CRB1: variants seen among roughly 807,000 people sequenced by gnomAD.
CRB1 encodes protein crumbs homolog 1.
A neutral mutation model predicts 120.0 loss-of-function variants in CRB1; 83 were observed. The observed-to-expected ratio is 0.69, with a 90% CI of 0.58 to 0.83. CRB1 has a LOEUF of 0.83. Ranked by LOEUF, CRB1 falls within the 40% of genes least tolerant of loss-of-function variation. The pLI is 0.00. For synonymous variants in CRB1, 625 were observed against 612.5 expected, an observed-to-expected ratio of 1.02 and a Z score of -0.30; for missense variants, 1,699 against 1,687.6, an observed-to-expected ratio of 1.01 and a Z score of -0.12.
chr1:197,346,418 A>G (rs1571876354), intron 3 of CRB1, among the ~76,000 whole-genome samples: 1 of 152,322 alleles, frequency 6.6e-6, no homozygotes, highest in Non-Finnish European at 1.5e-5. Flanking sequence ...TGTTTTACCT[A>G]TACTAGATTT....
chr1:197,244,748 T>A, the CRB1 span, among the ~76,000 whole-genome samples: 2 of 152,008 alleles, frequency 1.3e-5, no homozygotes, highest in Non-Finnish European at 2.9e-5. Flanking sequence ...AAATAGTTTT[T>A]TTTTCTTTTT....
At chr1:197,311,613 A>T (rs1205309649) in intron 1 of CRB1, among the ~76,000 whole-genome samples, 1 of 152,090 alleles carries the variant, frequency 6.6e-6, no homozygotes, top group Non-Finnish European at 1.5e-5. Flanking sequence ...TTTAAGATGA[A>T]CACTATGATG....
rs1665126876 is a variant in CRB1, at chr1:197,435,703, T to C, written c.3749+91T>C. On this transcript the variant is annotated intron_variant, in intron 9 of 11. Coordinates refer to ENST00000367400, the MANE Select transcript of CRB1 (RefSeq NM_201253.3). ...ATTGGAAAGCTCTCTCCTCAAGGTA[T>C]ACATATATACTGTGCTGAACAGGGT... The C allele has an allele frequency of 2.2e-5, 25 of 1,138,094 alleles. No homozygotes were observed. The South Asian group carries it at 3.2e-4, about 14-fold the overall frequency. 70.5% of individuals were successfully genotyped at this position (1,138,094 alleles called of 1,614,324 possible).
At chr1:197,433,324 T>C (rs774166581) in intron 8 of CRB1, among the ~76,000 whole-genome samples, 1 of 152,120 alleles carries the variant, frequency 6.6e-6, no homozygotes, top group Non-Finnish European at 1.5e-5. Context: ...AAGTAATTAG[T>C]CTTAATGAAA....
At chr1:197,382,211 G>T (rs887383787) in intron 5 of CRB1, among the ~76,000 whole-genome samples, 1 of 152,154 alleles carries the variant, frequency 6.6e-6, no homozygotes, top group Admixed American at 6.5e-5. Flanking sequence ...CTGGTAATGG[G>T]ATAAATGAGT....
the CRB1 span, among the ~76,000 whole-genome samples, chr1:197,262,439 T>C: frequency 6.6e-6 from 1 of 152,256 alleles, no homozygotes; most frequent in Non-Finnish European, 1.5e-5. Flanking sequence ...ATTGTTCTAC[T>C]GTAAACATTT....
intron 1 of CRB1, among the ~76,000 whole-genome samples, chr1:197,276,546 A>T (rs1655218914): frequency 1.3e-5 from 2 of 151,900 alleles, no homozygotes; most frequent in East Asian, 3.9e-4. Context: ...AACCAAATAA[A>T]TAAGTAAATT....
At chr1:197,324,293 T>A (rs114726755) in intron 1 of CRB1, among the ~76,000 whole-genome samples, 3,734 of 152,286 alleles carry the variant, frequency 0.025, 69 homozygotes, top group Non-Finnish European at 0.037. Flanking sequence ...TATAGTTTCA[T>A]TTTCTTGAAC....
intron 5 of CRB1, among the ~76,000 whole-genome samples, chr1:197,368,966 T>C (rs545886027): frequency 1.3e-5 from 2 of 152,290 alleles, no homozygotes; most frequent in African/African-American, 4.8e-5. Flanking sequence ...TAAAAGAGCT[T>C]TCAGGAGAGT....
At chr1:197,437,994 T>A (rs1665243083) in intron 9 of CRB1, 1 of 156,154 alleles carries the variant, frequency 6.4e-6, no homozygotes, top group South Asian at 2.0e-4. Context: ...TGAATTCACA[T>A]GCAGTTACCA....
chr1:197,356,909 A>C lies in CRB1; in HGVS notation c.1067A>C (p.Glu356Ala). The C allele has an allele frequency of 1.2e-6, 2 of 1,614,214 alleles. No homozygotes were observed. The highest frequency in any genetic ancestry group is 1.7e-6 in the Non-Finnish European group (2 of 1,180,018). Residue 356 changes from glutamate to alanine, a missense_variant, in exon 5 of 12, where the codon GAG (glutamate) becomes GCG (alanine). By Grantham distance (107) the Glu-to-Ala change is moderately radical. Transcript: ENST00000367400. ...TGCCAGTCCAATGGGGAATGTGTGG[A>C]GCTGTCCTCAGAGAAACAATATGGA... ...NPCQSNGECVELSSEKQYGRI... is the reference protein window; with the variant it reads ...NPCQSNGECVALSSEKQYGRI...
At chr1:197,369,666 G>A (rs1214506355) in intron 5 of CRB1, among the ~76,000 whole-genome samples, 2 of 152,108 alleles carry the variant, frequency 1.3e-5, no homozygotes, top group Non-Finnish European at 2.9e-5. Flanking sequence ...GCTTACTTCA[G>A]TCACCCACTG....
At chr1:197,399,535 G>A (rs1035961218) in intron 5 of CRB1, among the ~76,000 whole-genome samples, 1 of 152,180 alleles carries the variant, frequency 6.6e-6, no homozygotes, top group African/African-American at 2.4e-5. Context: ...AGATTATAAT[G>A]CTACTTTCCT....
At chr1:197,249,180 AT>A in the CRB1 span, among the ~76,000 whole-genome samples, 1 of 151,956 alleles carries the variant, frequency 6.6e-6, no homozygotes, top group East Asian at 1.9e-4. Flanking sequence ...TCCTTTGGAG[AT>A]TTTTATAGTC....
Position 197,421,570 on chromosome 1 carries a change from C to T in CRB1, c.1742C>T (p.Thr581Ile). 1.2e-6 allele frequency: 2 copies of T among 1,614,206 alleles called. No individual in the cohort carries two copies. Among genetic ancestry groups the T allele is most frequent in the East Asian group, 2.2e-5 (1 of 44,882 alleles). ...ATATTTGCAGAGGCTGTGACCCTTA[C>T]CTTAATCGACGACTCCTGTAAGGAG... ...EVIFAEAVTL[T>I]LIDDSCKEKC... The change falls in exon 6 of 12, where the codon ACC (threonine) becomes ATC (isoleucine). Residue 581 changes from threonine to isoleucine, a missense_variant. Transcript: ENST00000367400.
At chr1:197,232,513 T>C in the CRB1 span, among the ~76,000 whole-genome samples, 1 of 152,132 alleles carries the variant, frequency 6.6e-6, no homozygotes, top group Non-Finnish European at 1.5e-5. Flanking sequence ...CAGAACATGG[T>C]GTCCTTAGGG....
At chr1:197,294,891 C>T (rs942031871) in intron 1 of CRB1, among the ~76,000 whole-genome samples, 8 of 152,066 alleles carry the variant, frequency 5.3e-5, no homozygotes, top group Non-Finnish European at 1.2e-4. Context: ...GAACATCACA[C>T]ACCAGAGCCT....
intron 4 of CRB1, among the ~76,000 whole-genome samples, chr1:197,353,400 G>A (rs1487503188): frequency 6.6e-6 from 1 of 152,154 alleles, no homozygotes; most frequent in Non-Finnish European, 1.5e-5. Context: ...CACATACTAT[G>A]ATTTAGTTTA....
chr1:197,337,659 AG>A (rs1659232694), intron 2 of CRB1, among the ~76,000 whole-genome samples: 1 of 152,182 alleles, frequency 6.6e-6, no homozygotes, highest in Non-Finnish European at 1.5e-5. Context: ...TGTTTTTTAC[AG>A]GTATCATTTT....
Sources: gnomAD v4.1 joint callset for allele counts (sites outside exome capture counted in the v4.1 genomes callset) on GRCh38, gnomAD v4.1.1 for gene constraint, MANE v1.5 for transcripts, NCBI Gene and HGNC (gene_info 2026-07-23, HGNC 2026-07-21) for gene names.